The following RPRD2 variants were observed in gnomAD, a reference collection of about 807,000 sequenced individuals.
The protein encoded by RPRD2 is regulation of nuclear pre-mRNA domain-containing protein 2.
In RPRD2, 12 loss-of-function variants were observed where a neutral mutation model predicts 104.4. That is an observed-to-expected ratio of 0.11 (90% CI 0.07 to 0.19). RPRD2 has a LOEUF of 0.19. Among genes scored for constraint, RPRD2 ranks in the 10% least tolerant of loss-of-function variants. The pLI, the probability that RPRD2 is intolerant of heterozygous loss-of-function variation, is 1.00. For synonymous variants in RPRD2, 714 were observed against 684.9 expected (o/e 1.04, Z -0.66); for missense variants, 1,543 against 1,790.1 (o/e 0.86, Z 2.49).
chr1:150,445,843 C>T (rs1348893090), intron 6 of RPRD2, among the ~76,000 whole-genome samples: 1 of 151,934 alleles, frequency 6.6e-6, no homozygotes, highest in Non-Finnish European at 1.5e-5. Flanking sequence ...CCCAGGCAGG[C>T]GGATCACGAG....
chr1:150,380,666 AT>A (rs1294065419), intron 1 of RPRD2, among the ~76,000 whole-genome samples: 9 of 147,638 alleles, frequency 6.1e-5, no homozygotes, highest in Non-Finnish European at 1.0e-4. Context: ...TTTTATTTTT[AT>A]TTTTTTGGGA....
chr1:150,382,156 G>C (rs114101730), intron 1 of RPRD2, among the ~76,000 whole-genome samples: 28 of 152,050 alleles, frequency 1.8e-4, no homozygotes, highest in Non-Finnish European at 3.5e-4. Flanking sequence ...TTAATCCTGC[G>C]TACTCTATGT....
In RPRD2 at chr1:150,471,174, C is replaced by G; in HGVS notation, c.2226C>G (p.Pro742=). 1 of 1,613,864 alleles carries G rather than the reference C, an allele frequency of 6.2e-7. No individual in the cohort carries two copies. Among genetic ancestry groups the G allele is most frequent in the Non-Finnish European group, 8.5e-7 (1 of 1,179,876 alleles). ...TPTQDEMMDK[P]TSSSVDTMSL... ...CCCAGGATGAGATGATGGACAAGCC[C>G]ACATCCAGCAGTGTAGATACTATGT... The change falls in exon 11 of 11, where the codon CCC becomes CCG. Residue 742 remains proline (P), a synonymous_variant. Coordinates refer to ENST00000369068, the MANE Select transcript of RPRD2 (RefSeq NM_015203.5). The surrounding 1 kb of genome is among the most constrained non-coding windows in gnomAD (Gnocchi z 5.3).
intron 1 of RPRD2, among the ~76,000 whole-genome samples, chr1:150,397,688 G>A (rs1662635212): frequency 6.6e-6 from 1 of 152,158 alleles, no homozygotes; most frequent in South Asian, 2.1e-4. Context: ...CACAGTTGTT[G>A]AAGGACATTT....
At chr1:150,427,867 G>A (rs782542273) in intron 2 of RPRD2, among the ~76,000 whole-genome samples, 9 of 152,028 alleles carry the variant, frequency 5.9e-5, no homozygotes, top group Non-Finnish European at 1.2e-4. Flanking sequence ...AAAGTTAAAT[G>A]ATTTCCTACA....
intron 3 of RPRD2, 137 bp from the exon 4 acceptor site, chr1:150,441,744 A>T: frequency 1.9e-6 from 1 of 535,284 alleles, no homozygotes; most frequent in Non-Finnish European, 3.3e-6. Context: ...TTTTTTCATA[A>T]AAATGAAAGA....
At chr1:150,399,738 CAG>C (rs1395118653) in intron 1 of RPRD2, among the ~76,000 whole-genome samples, 3 of 146,586 alleles carry the variant, frequency 2.0e-5, no homozygotes, top group Non-Finnish European at 4.5e-5. Context: ...GCCTGGGTGA[CAG>C]AGTGAGACCC....
chr1:150,405,579 T>G (rs1438952471), intron 1 of RPRD2, among the ~76,000 whole-genome samples: 1 of 152,162 alleles, frequency 6.6e-6, no homozygotes, highest in Non-Finnish European at 1.5e-5. Flanking sequence ...CTGGTTTCTC[T>G]CTCTCTCATC....
At chr1:150,459,967 C>T (rs959826413) in intron 8 of RPRD2, 93 bp from the exon 9 acceptor site, 2 of 1,212,720 alleles carry the variant, frequency 1.6e-6, no homozygotes, top group Admixed American at 2.5e-5. Context: ...GCCTTTTCCC[C>T]CAAGTCCGGA....
At position 150,464,630 on chromosome 1, in the gene RPRD2, C is replaced by T. The variant is rs1324514799; in HGVS notation, c.1515C>T (p.Asn505=). The part of the protein sequence containing the change: ...TPAPATTTSH[N]PLANILSKVE... ...CACCTGCCACGACAACATCTCACAA[C>T]CCTCTGGCAAATATCCTCTCCAAGG... The change falls in exon 10 of 11, where the codon AAC becomes AAT. Residue 505 remains asparagine (N), a synonymous_variant. Coordinates refer to ENST00000369068, the MANE Select transcript of RPRD2 (RefSeq NM_015203.5). 2.5e-6 allele frequency: 4 copies of T among 1,612,324 alleles called. No homozygotes were observed. The highest frequency in any genetic ancestry group is 2.7e-5 in the African/African-American group (2 of 74,850).
intron 2 of RPRD2, among the ~76,000 whole-genome samples, chr1:150,421,194 CA>C (rs1560188140): frequency 6.6e-6 from 1 of 152,134 alleles, no homozygotes. Context: ...GTTGAACATA[CA>C]AAATCAGTAG....
At chr1:150,429,686 A>G (rs1665419949) in intron 2 of RPRD2, among the ~76,000 whole-genome samples, 1 of 152,226 alleles carries the variant, frequency 6.6e-6, no homozygotes, top group Non-Finnish European at 1.5e-5. Flanking sequence ...ACTATTTAGT[A>G]ACAGCAAAGA....
Position 150,474,815 on chromosome 1 carries a change from AAG to A in RPRD2, c.*1482_*1483del, listed in dbSNP as rs1668808725. 6.6e-6 allele frequency: 1 copy of A among 152,136 alleles called. No homozygotes were observed. The highest frequency in any genetic ancestry group is 1.5e-5 in the Non-Finnish European group (1 of 68,030). 9.4% of individuals were successfully genotyped at this position (152,136 alleles called of 1,614,324 possible). A position where few individuals can be genotyped will look rare whatever the true frequency, so the allele number is the denominator to read the frequency against. ...TCTGGCAAGTTTCATATTTTCTTCC[AAG>A]TTAGTATAGAACTAACTATAGGAAG... On this transcript the variant is annotated 3_prime_UTR_variant, in exon 11 of 11. Transcript: ENST00000369068.
At chr1:150,463,514 A>G (rs2102421066) in intron 9 of RPRD2, among the ~76,000 whole-genome samples, 1 of 152,260 alleles carries the variant, frequency 6.6e-6, no homozygotes, top group East Asian at 1.9e-4. Context: ...TCTTCTATGA[A>G]AGATGTTAAA....
chr1:150,368,928 C>T (rs1372358018), intron 1 of RPRD2, among the ~76,000 whole-genome samples: 1 of 152,060 alleles, frequency 6.6e-6, no homozygotes. Context: ...TCAAGTAGTG[C>T]CTTCAATTGC....
At chr1:150,467,902 A>G (rs1455478973) in intron 10 of RPRD2, among the ~76,000 whole-genome samples, 1 of 152,004 alleles carries the variant, frequency 6.6e-6, no homozygotes, top group African/African-American at 2.4e-5. Flanking sequence ...GTGGTGGGTC[A>G]CACCTGTAAT....
Position 150,470,927 on chromosome 1 carries a change from A to T in RPRD2, c.1979A>T (p.Glu660Val). The change falls in exon 11 of 11, where the codon GAG (glutamate) becomes GTG (valine). Residue 660 changes from glutamate to valine, a missense_variant. Around this residue, in one of 4 missense-constraint regions of RPRD2, gnomAD observed 572 missense variants for 787.3 expected, o/e 0.73. Coordinates refer to ENST00000369068, the MANE Select transcript of RPRD2 (RefSeq NM_015203.5). ...QSSEVSKPKL[E>V]SESTSPSLEM... ...TCAGAGGTCTCCAAGCCAAAGCTGG[A>T]GTCAGAGTCCACCTCCCCAAGCCTG... 1 of 1,614,012 alleles carries T rather than the reference A, an allele frequency of 6.2e-7. No individual in the cohort carries two copies. Among genetic ancestry groups the T allele is most frequent in the Non-Finnish European group, 8.5e-7 (1 of 1,179,906 alleles).
chr1:150,419,075 T>C (rs139222897), intron 2 of RPRD2, among the ~76,000 whole-genome samples: 2,582 of 152,262 alleles, frequency 0.017, 74 homozygotes, highest in African/African-American at 0.056. Flanking sequence ...TCTTTTTGAA[T>C]GCCTATTGAA....
intron 2 of RPRD2, among the ~76,000 whole-genome samples, chr1:150,421,052 A>G (rs1334427273): frequency 4.6e-5 from 7 of 152,310 alleles, no homozygotes; most frequent in African/African-American, 1.2e-4. Context: ...ACAAATGGGT[A>G]TGGCTATCTT....
Sources: gnomAD v4.1 joint callset for allele counts (sites outside exome capture counted in the v4.1 genomes callset) on GRCh38, gnomAD v4.1.1 for gene constraint, gnomAD v4.1.1 regional missense constraint, Gnocchi (gnomAD v3.1) non-coding constraint, MANE v1.5 for transcripts, NCBI Gene and HGNC (gene_info 2026-07-23, HGNC 2026-07-21) for gene names.